The following PDPR variants were observed in gnomAD, a reference collection of about 807,000 sequenced individuals.
The protein encoded by PDPR is pyruvate dehydrogenase phosphatase regulatory subunit, mitochondrial.
Under a neutral mutation model 102.2 loss-of-function variants are expected in PDPR, and 50 were observed. The ratio of observed to expected loss-of-function variants is 0.49; its 90% CI spans 0.39 to 0.62. The LOEUF (loss-of-function observed/expected upper bound fraction) is 0.62. Among genes scored for constraint, PDPR ranks in the 20% least tolerant of loss-of-function variants. The pLI is 0.00. For synonymous variants in PDPR, 259 were observed against 406.0 expected (o/e 0.64, Z 4.35); for missense variants, 625 against 1,098.2 (o/e 0.57, Z 6.09).
At chr16:70,118,055 T>C (rs1353544028) in intron 2 of PDPR, among the ~76,000 whole-genome samples, 1 of 148,530 alleles carries the variant, frequency 6.7e-6, no homozygotes, top group African/African-American at 2.5e-5. Context: ...ATCACACCGC[T>C]GCACTCCCAG....
chr16:70,153,946 A>G (rs541040490), intron 18 of PDPR, among the ~76,000 whole-genome samples: 2 of 152,378 alleles, frequency 1.3e-5, no homozygotes, highest in East Asian at 1.9e-4. Flanking sequence ...TTGGGAGGCC[A>G]AGGCGGGCGG....
intron 9 of PDPR, among the ~76,000 whole-genome samples, chr16:70,133,938 G>A (rs1271574706): frequency 2.0e-5 from 3 of 152,168 alleles, no homozygotes; most frequent in African/African-American, 7.2e-5. Context: ...TCTCCATGTT[G>A]GTCAGGCTGG....
intron 6 of PDPR, among the ~76,000 whole-genome samples, chr16:70,129,729 T>G (rs1377959728): frequency 3.9e-5 from 6 of 152,274 alleles, no homozygotes; most frequent in African/African-American, 1.4e-4. Context: ...CCTTGGAAGT[T>G]TAATCCACAC....
chr16:70,162,692 C>T (rs1329483357), downstream of PDPR, among the ~76,000 whole-genome samples: 1 of 152,254 alleles, frequency 6.6e-6, no homozygotes, highest in Non-Finnish European at 1.5e-5. Flanking sequence ...AGGTGTTTAT[C>T]TTACCCTCCC....
At chr16:70,118,122 G>T (rs1159188007) in intron 2 of PDPR, among the ~76,000 whole-genome samples, 4 of 151,558 alleles carry the variant, frequency 2.6e-5, no homozygotes, top group Non-Finnish European at 5.9e-5. Context: ...CTGAGGAAAA[G>T]CAGCAAAAAG....
intron 2 of PDPR, among the ~76,000 whole-genome samples, chr16:70,117,885 G>C (rs1962809405): frequency 6.6e-6 from 1 of 152,106 alleles, no homozygotes; most frequent in Non-Finnish European, 1.5e-5. Context: ...CTGAGGTCAG[G>C]AGTTCAAGAC....
intron 11 of PDPR, among the ~76,000 whole-genome samples, chr16:70,140,729 C>G (rs570749008): frequency 2.0e-5 from 3 of 152,212 alleles, no homozygotes; most frequent in Non-Finnish European, 4.4e-5. Flanking sequence ...GCAGGACAAT[C>G]ACTTGAACCC....
rs375062615 is a variant in PDPR at position 70,136,306 on chromosome 16, C to T, written c.1110C>T (p.Gly370=). The T allele has an allele frequency of 1.1e-5, 18 of 1,613,518 alleles. No homozygotes were observed. The highest frequency in any genetic ancestry group is 4.5e-5 in the East Asian group (2 of 44,876). ...TFTPDMRCIM[G]ESPAVQGYFV... ...CACCAGACATGAGGTGCATCATGGG[C>T]GAGTCTCCTGCAGTGCAGGGCTACT... Residue 370 remains glycine, a synonymous_variant, in exon 10 of 19, where the codon GGC becomes GGT. Transcript: ENST00000288050.
In PDPR at chr16:70,119,760, T is replaced by C. The variant is rs544582339; in HGVS notation, c.-32-701T>C. ...ATTTACTGTTTTATTTGTATGTTTATTTGTATATTGATTGGTGTTCTCCTC... is the reference window on the plus strand; with the variant it reads ...ATTTACTGTTTTATTTGTATGTTTACTTGTATATTGATTGGTGTTCTCCTC... On this transcript the variant is annotated intron_variant, in intron 2 of 18. Transcript: ENST00000288050. 4.0e-4 allele frequency among the ~76,000 whole-genome samples: 57 copies of C among 141,666 alleles called. 1 individual carries two copies. The highest frequency in any genetic ancestry group is 1.4e-3 in the African/African-American group (56 of 39,692). 92.9% of individuals were successfully genotyped at this position (141,666 alleles called of 152,430 possible).
intron 17 of PDPR, among the ~76,000 whole-genome samples, chr16:70,151,388 C>T (rs1966729329): frequency 6.6e-6 from 1 of 152,396 alleles, no homozygotes; most frequent in African/African-American, 2.4e-5. Flanking sequence ...CTATTTGAGC[C>T]ACTGTGCCCA....
intron 4 of PDPR, among the ~76,000 whole-genome samples, chr16:70,127,882 C>T (rs1964134292): frequency 6.6e-6 from 1 of 151,952 alleles, no homozygotes; most frequent in Non-Finnish European, 1.5e-5. Flanking sequence ...TGGAGGCAGC[C>T]TGGAAGCCAG....
intron 2 of PDPR, among the ~76,000 whole-genome samples, chr16:70,118,683 A>G (rs1460486938): frequency 6.6e-6 from 1 of 152,156 alleles, no homozygotes; most frequent in African/African-American, 2.4e-5. Context: ...AGGAAAGCAA[A>G]GAGAGCTTGG....
rs2152126876 is a variant in PDPR at position 70,159,526 on chromosome 16, T to A, written c.*2647T>A. 1 of 152,910 alleles carries A rather than the reference T, an allele frequency of 6.5e-6. No homozygotes were observed. Among genetic ancestry groups the A allele is most frequent in the African/African-American group, 2.4e-5 (1 of 41,618 alleles). 9.5% of individuals were successfully genotyped at this position (152,910 alleles called of 1,614,324 possible). On this transcript the variant is annotated 3_prime_UTR_variant, in exon 19 of 19. Coordinates refer to ENST00000288050, the MANE Select transcript of PDPR (RefSeq NM_017990.5). ...AGTTGATCCTTGAAGTCTCTCCTGG[T>A]TCATTCAAATACAAGCTGTGTGAGT... is the stretch of plus-strand genomic sequence containing the variant.
At position 70,157,197 on chromosome 16, in the gene PDPR, G is replaced by C. The variant is rs1377578006; in HGVS notation, c.*318G>C. 16 of 589,910 alleles carry C rather than the reference G, an allele frequency of 2.7e-5. No individual in the cohort carries two copies. Among genetic ancestry groups the C allele is most frequent in the African/African-American group, 5.5e-5 (3 of 54,514 alleles). 36.5% of individuals were successfully genotyped at this position (589,910 alleles called of 1,614,324 possible). ...ACTGTGGACATGAGTGATGGTGACA[G>C]CTGCTTTCAAATTCTGCATCTCAAG... On this transcript the variant is annotated 3_prime_UTR_variant, in exon 19 of 19. Transcript: ENST00000288050.
intron 11 of PDPR, among the ~76,000 whole-genome samples, chr16:70,140,946 C>G (rs1359276489): frequency 6.6e-5 from 10 of 152,272 alleles, no homozygotes; most frequent in African/African-American, 2.4e-4. Flanking sequence ...CCCAACCTCC[C>G]CAAGCCTTGA....
intron 9 of PDPR, among the ~76,000 whole-genome samples, chr16:70,135,298 A>G (rs1292874393): frequency 6.8e-6 from 1 of 146,920 alleles, no homozygotes; most frequent in East Asian, 2.0e-4. Context: ...GTGCAGTGTC[A>G]CGATCTCTGC....
intron 9 of PDPR, among the ~76,000 whole-genome samples, chr16:70,135,650 T>C (rs1410855585): frequency 6.6e-6 from 1 of 152,294 alleles, no homozygotes; most frequent in East Asian, 1.9e-4. Flanking sequence ...TGTTCTCTGC[T>C]GCTTTCCTTT....
intron 18 of PDPR, among the ~76,000 whole-genome samples, chr16:70,154,272 G>A (rs1246397827): frequency 6.6e-6 from 1 of 152,282 alleles, no homozygotes; most frequent in Non-Finnish European, 1.5e-5. Flanking sequence ...AGGTTGCAGT[G>A]AGCCAAAATC....
intron 9 of PDPR, among the ~76,000 whole-genome samples, chr16:70,134,372 C>T (rs1964876651): frequency 1.3e-5 from 2 of 151,980 alleles, no homozygotes; most frequent in South Asian, 4.1e-4. Context: ...ATTACAGGCG[C>T]CCACCACAAC....
Sources: allele counts gnomAD v4.1 joint callset (sites outside exome capture counted in the v4.1 genomes callset), GRCh38; gene constraint gnomAD v4.1.1; transcripts MANE v1.5; gene names NCBI Gene and HGNC (gene_info 2026-07-23, HGNC 2026-07-21).